The following BBS9 variants were observed in gnomAD, a reference collection of about 807,000 sequenced individuals.
BBS9 encodes the protein Bardet-Biedl syndrome 9, also known as protein PTHB1.
Under a neutral mutation model 117.7 loss-of-function variants are expected in BBS9, and 89 were observed. The observed-to-expected ratio is 0.76, with a 90% CI of 0.64 to 0.90. The LOEUF (loss-of-function observed/expected upper bound fraction) is 0.90, where lower values mean the gene tolerates loss of function less well. Ranked by LOEUF, BBS9 falls within the 40% of genes least tolerant of loss-of-function variation. The pLI is 0.00. For missense variants in BBS9, 982 were observed against 1,042.2 expected (o/e 0.94, Z 0.80); for synonymous variants, 379 against 370.9 (o/e 1.02, Z -0.25).
At chr7:33,302,331 A>G (rs1370397806) in intron 9 of BBS9, among the ~76,000 whole-genome samples, 2 of 152,066 alleles carry the variant, frequency 1.3e-5, no homozygotes, top group Non-Finnish European at 2.9e-5. Context: ...TTTGTGGGGT[A>G]TTACTCAAGA....
intron 21 of BBS9, among the ~76,000 whole-genome samples, chr7:33,633,628 A>G (rs1476927522): frequency 6.6e-6 from 1 of 150,918 alleles, no homozygotes; most frequent in Non-Finnish European, 1.5e-5. Flanking sequence ...GTTTTACTGC[A>G]GGTAGTGGCT....
chr7:33,343,641 G>A (rs1816969364), intron 11 of BBS9, among the ~76,000 whole-genome samples: 1 of 152,078 alleles, frequency 6.6e-6, no homozygotes, highest in South Asian at 2.1e-4. Flanking sequence ...TGGGATTACA[G>A]GTGCCTGCCA....
At chr7:33,494,364 T>G (rs1844434938) in intron 19 of BBS9, among the ~76,000 whole-genome samples, 1 of 152,196 alleles carries the variant, frequency 6.6e-6, no homozygotes, top group Non-Finnish European at 1.5e-5. Context: ...CTGACGCACA[T>G]GCTTGCATGA....
intron 9 of BBS9, among the ~76,000 whole-genome samples, chr7:33,285,614 T>C (rs779329794): frequency 6.6e-6 from 1 of 152,144 alleles, no homozygotes; most frequent in African/African-American, 2.4e-5. Flanking sequence ...AGATATTATA[T>C]TGATGGGGCT....
chr7:33,171,633 C>T (rs1042253150), intron 4 of BBS9, among the ~76,000 whole-genome samples: 1 of 151,938 alleles, frequency 6.6e-6, no homozygotes, highest in Non-Finnish European at 1.5e-5. Flanking sequence ...TGTTTTTTAA[C>T]AGACCTAAAT....
intron 21 of BBS9, among the ~76,000 whole-genome samples, chr7:33,633,721 G>A (rs1175852182): frequency 6.6e-6 from 1 of 152,060 alleles, no homozygotes; most frequent in Non-Finnish European, 1.5e-5. Flanking sequence ...TACAGATTCA[G>A]AGGAAAAATT....
At chr7:33,494,587 C>G (rs916608057) in intron 19 of BBS9, among the ~76,000 whole-genome samples, 7 of 152,150 alleles carry the variant, frequency 4.6e-5, no homozygotes, top group African/African-American at 1.7e-4. Context: ...AGGCTTTGGT[C>G]TTGTTTACCT....
At chr7:33,367,280 C>T (rs141642421) in intron 16 of BBS9, among the ~76,000 whole-genome samples, 2 of 151,858 alleles carry the variant, frequency 1.3e-5, no homozygotes, top group African/African-American at 4.8e-5. Flanking sequence ...CCAATAGTGA[C>T]CATTTGTTTT....
chr7:33,487,256 A>G (rs1057382922), intron 19 of BBS9, among the ~76,000 whole-genome samples: 4 of 152,270 alleles, frequency 2.6e-5, no homozygotes, highest in Non-Finnish European at 4.4e-5. Context: ...TCCAAATGCT[A>G]TGGGGTTTTT....
intron 5 of BBS9, among the ~76,000 whole-genome samples, chr7:33,188,079 A>AGTGTGTGTGTGT (rs1562762988): frequency 1.9e-5 from 1 of 51,906 alleles, no homozygotes; most frequent in Non-Finnish European, 4.0e-5. Flanking sequence ...TAGTTGAGTG[A>AGTGTGTGTGTGT]ATGTGTGTGT....
chr7:33,257,342 T>C lies in BBS9; in HGVS notation c.549T>C (p.Pro183=), dbSNP rs768044282. 1 of 1,614,022 alleles carries C rather than the reference T, an allele frequency of 6.2e-7. No individual in the cohort carries two copies. Among genetic ancestry groups the C allele is most frequent in the Non-Finnish European group, 8.5e-7 (1 of 1,179,914 alleles). ...TCCCTGGCTTTCTTCTGCCTGGTCC[T>C]CTTGCCTACAGTTCCCGTACAGATT... ...RFLPGFLLPG[P]LAYSSRTDSF... The change falls in exon 6 of 23, where the codon CCT becomes CCC. Residue 183 remains proline (P), a synonymous_variant. Transcript: ENST00000242067.
intron 9 of BBS9, among the ~76,000 whole-genome samples, chr7:33,300,363 G>T (rs1303547903): frequency 6.6e-6 from 1 of 152,174 alleles, no homozygotes; most frequent in Non-Finnish European, 1.5e-5. Context: ...TGGGAAGTTT[G>T]CAGGGCAAAC....
chr7:33,576,062 C>T lies in BBS9; in HGVS notation c.2522-28803C>T, dbSNP rs548780022. ...TGTTGGAAGTTCTGGCCAGGGCAAC[C>T]AGACAAGAGAAAGAAATAAAGGGTA... On this transcript the variant is annotated intron_variant, in intron 21 of 22. Transcript: ENST00000242067. Among the ~76,000 whole-genome samples, 624 of 152,196 alleles carry T rather than the reference C, an allele frequency of 4.1e-3. 6 individuals are homozygous for T. Among genetic ancestry groups the T allele is most frequent in the African/African-American group, 0.014 (590 of 41,528 alleles).
chr7:33,541,727 G>A (rs1852337129), intron 21 of BBS9, among the ~76,000 whole-genome samples: 3 of 152,134 alleles, frequency 2.0e-5, no homozygotes, highest in South Asian at 2.1e-4. Context: ...AAAGCCATTC[G>A]TATAAAATGT....
chr7:33,297,640 A>T (rs1227564294), intron 9 of BBS9, among the ~76,000 whole-genome samples: 5 of 152,144 alleles, frequency 3.3e-5, no homozygotes, highest in Non-Finnish European at 7.4e-5. Context: ...GGGCAACAAA[A>T]GATGTATCTC....
chr7:33,247,257 T>C (rs1437485151), intron 5 of BBS9, among the ~76,000 whole-genome samples: 1 of 152,186 alleles, frequency 6.6e-6, no homozygotes, highest in Non-Finnish European at 1.5e-5. Flanking sequence ...CTAGGCAGTA[T>C]GTATTTTAAT....
chr7:33,599,915 A>G (rs1046285436), intron 21 of BBS9, among the ~76,000 whole-genome samples: 6 of 152,084 alleles, frequency 3.9e-5, no homozygotes, highest in Non-Finnish European at 8.8e-5. Context: ...CTGGTGGGAG[A>G]GAGAGATTGT....
intron 5 of BBS9, among the ~76,000 whole-genome samples, chr7:33,246,204 G>T (rs909388140): frequency 6.6e-6 from 1 of 151,970 alleles, no homozygotes; most frequent in African/African-American, 2.4e-5. Flanking sequence ...ATTTAGTGTT[G>T]TAACTATCCC....
At chr7:33,562,629 A>T (rs1444059009) in intron 21 of BBS9, among the ~76,000 whole-genome samples, 1 of 152,222 alleles carries the variant, frequency 6.6e-6, no homozygotes, top group African/African-American at 2.4e-5. Context: ...CAGAAGCCAT[A>T]GAAAAGGGAA....
Sources: allele counts gnomAD v4.1 joint callset (sites outside exome capture counted in the v4.1 genomes callset), GRCh38; gene constraint gnomAD v4.1.1; transcripts MANE v1.5; gene names NCBI Gene and HGNC (gene_info 2026-07-23, HGNC 2026-07-21).